GNAQ: variants seen among roughly 807,000 people sequenced by gnomAD.
GNAQ encodes guanine nucleotide-binding protein G(q) subunit alpha.
Under a neutral mutation model 43.9 loss-of-function variants are expected in GNAQ, and 8 were observed. The observed-to-expected ratio is 0.18, with a 90% CI of 0.11 to 0.33. GNAQ has a LOEUF of 0.33. Ranked by LOEUF, GNAQ falls within the 10% of genes least tolerant of loss-of-function variation. The probability of loss-of-function intolerance (pLI) is 1.00; values close to 1 mark genes in which losing one functional copy is unlikely to be tolerated. For missense variants in GNAQ, 158 were observed against 450.8 expected (o/e 0.35, Z 5.88); for synonymous variants, 155 against 170.7 (o/e 0.91, Z 0.71).
intron 2 of GNAQ, among the ~76,000 whole-genome samples, chr9:77,857,511 AGGAAG>A (rs1462457757): frequency 7.1e-6 from 1 of 140,046 alleles, no homozygotes; most frequent in East Asian, 2.6e-4. Context: ...ACAGGAAAGA[AGGAAG>A]GGAAGAAGGA....
chr9:78,014,407 G>A lies in GNAQ; in HGVS notation c.136+16693C>T, dbSNP rs887274232. Among the ~76,000 whole-genome samples, 13 of 152,188 alleles carry A rather than the reference G, an allele frequency of 8.5e-5. No individual in the cohort carries two copies. The South Asian group carries it at 1.7e-3, about 19-fold the overall frequency. ...TGGCAGGCCTAGACGGGCAGATCAC[G>A]AGACCAGCCCGACCAACATGGTGAA... On this transcript the variant is annotated intron_variant, in intron 1 of 6. Coordinates refer to ENST00000286548, the MANE Select transcript of GNAQ (RefSeq NM_002072.5).
At chr9:77,982,035 C>T (rs1823374589) in intron 1 of GNAQ, among the ~76,000 whole-genome samples, 1 of 152,134 alleles carries the variant, frequency 6.6e-6, no homozygotes, top group African/African-American at 2.4e-5. Context: ...TAGGTTCCTA[C>T]CTGGAAGCTG....
In GNAQ at chr9:78,030,874, C is replaced by CGT. The variant is rs1055890381; in HGVS notation, c.136+224_136+225dup. 1.3e-4 allele frequency among the ~76,000 whole-genome samples: 19 copies of CGT among 146,428 alleles called. No homozygotes were observed. In the East Asian group the frequency reaches 1.9e-3, roughly 14 times the overall value. On this transcript the variant is annotated intron_variant, in intron 1 of 6. Transcript: ENST00000286548. ...CAGGGCAGCCCCGACCCCTGTGCTGCGTGTGTGTGTCGCTGTGTGTGTGTG... is the reference window on the plus strand; with the variant it reads ...CAGGGCAGCCCCGACCCCTGTGCTGCGTGTGTGTGTGTCGCTGTGTGTGTGTG...
At chr9:77,731,891 TC>T (rs1048528576) in intron 5 of GNAQ, among the ~76,000 whole-genome samples, 1 of 152,172 alleles carries the variant, frequency 6.6e-6, no homozygotes, top group African/African-American at 2.4e-5. Context: ...CTTCTTTTTT[TC>T]CCCCCAATTA....
At chr9:78,008,744 A>G (rs1823738144) in intron 1 of GNAQ, among the ~76,000 whole-genome samples, 1 of 152,092 alleles carries the variant, frequency 6.6e-6, no homozygotes, top group African/African-American at 2.4e-5. Flanking sequence ...TCAGCCTTTC[A>G]AGTAGCTGGG....
intron 1 of GNAQ, among the ~76,000 whole-genome samples, chr9:77,942,014 G>A (rs1829323223): frequency 6.6e-6 from 1 of 151,942 alleles, no homozygotes; most frequent in African/African-American, 2.4e-5. Context: ...GATTATCTCT[G>A]GGTGGTAGGA....
At chr9:77,878,535 G>A (rs1341950763) in intron 2 of GNAQ, among the ~76,000 whole-genome samples, 5 of 151,668 alleles carry the variant, frequency 3.3e-5, no homozygotes, top group African/African-American at 9.7e-5. Flanking sequence ...CACTTCCTGG[G>A]CCATAAAATG....
intron 5 of GNAQ, among the ~76,000 whole-genome samples, chr9:77,748,026 G>A (rs920782391): frequency 5.3e-5 from 8 of 152,188 alleles, no homozygotes; most frequent in Non-Finnish European, 1.0e-4. Context: ...ATAGAGAGGG[G>A]TGGTCAGGAG....
At chr9:77,762,490 C>T (rs1261920284) in intron 5 of GNAQ, among the ~76,000 whole-genome samples, 6 of 143,486 alleles carry the variant, frequency 4.2e-5, no homozygotes, top group Non-Finnish European at 7.6e-5. Flanking sequence ...GTCAGCCCCC[C>T]GCCTGGCCAG....
intron 2 of GNAQ, among the ~76,000 whole-genome samples, chr9:77,840,558 A>T (rs1160271663): frequency 6.6e-6 from 1 of 152,066 alleles, no homozygotes. Flanking sequence ...GCTGGTCTGG[A>T]ACTCCTGACC....
chr9:78,028,225 TAA>T (rs1224191881), intron 1 of GNAQ, among the ~76,000 whole-genome samples: 4 of 152,160 alleles, frequency 2.6e-5, no homozygotes, highest in African/African-American at 9.7e-5. Flanking sequence ...ATGAATAAGT[TAA>T]AAGACAACAA....
At chr9:77,928,543 C>T (rs1382246967) in intron 1 of GNAQ, among the ~76,000 whole-genome samples, 1 of 152,096 alleles carries the variant, frequency 6.6e-6, no homozygotes, top group East Asian at 1.9e-4. Context: ...TCATGTCAGT[C>T]CTGGACTTCT....
intron 2 of GNAQ, among the ~76,000 whole-genome samples, chr9:77,883,665 G>A (rs1287131442): frequency 2.0e-5 from 3 of 151,466 alleles, no homozygotes; most frequent in African/African-American, 7.3e-5. Context: ...CTCGCTTTTG[G>A]CATTCCCAGT....
At chr9:77,874,109 A>AAAAAACAAAAACAAAAAAAC (rs1554722281) in intron 2 of GNAQ, among the ~76,000 whole-genome samples, 1 of 148,090 alleles carries the variant, frequency 6.8e-6, no homozygotes, top group African/African-American at 2.5e-5. Flanking sequence ...CATCTCAAAA[A>AAAAAACAAAAACAAAAAAAC]AAAAAAACAA....
intron 2 of GNAQ, among the ~76,000 whole-genome samples, chr9:77,915,569 T>C (rs1236235883): frequency 6.6e-6 from 1 of 151,552 alleles, no homozygotes; most frequent in Non-Finnish European, 1.5e-5. Flanking sequence ...TATTTAACCC[T>C]TGAAATAATC....
At chr9:77,773,116 C>A (rs1826251980) in intron 5 of GNAQ, among the ~76,000 whole-genome samples, 1 of 152,164 alleles carries the variant, frequency 6.6e-6, no homozygotes, top group Non-Finnish European at 1.5e-5. Flanking sequence ...TAAACCTTTT[C>A]ATTCTCTTAT....
At chr9:77,721,692 G>A (rs1395006962) in intron 6 of GNAQ, among the ~76,000 whole-genome samples, 179 bp from the exon 7 acceptor site, 1 of 151,890 alleles carries the variant, frequency 6.6e-6, no homozygotes, top group Non-Finnish European at 1.5e-5. Context: ...CACCCACCCA[G>A]GCACCCACCC....
chr9:77,869,866 C>T (rs1828007975), intron 2 of GNAQ, among the ~76,000 whole-genome samples: 1 of 152,126 alleles, frequency 6.6e-6, no homozygotes, highest in Admixed American at 6.6e-5. Context: ...AGCCATGCAG[C>T]TACACTGAAC....
chr9:77,766,677 T>C (rs1204882495), intron 5 of GNAQ, among the ~76,000 whole-genome samples: 1 of 152,048 alleles, frequency 6.6e-6, no homozygotes, highest in African/African-American at 2.4e-5. Context: ...CAGACAATAG[T>C]GTTCAGATGC....
Sources: allele counts gnomAD v4.1 joint callset (sites outside exome capture counted in the v4.1 genomes callset), GRCh38; gene constraint gnomAD v4.1.1; transcripts MANE v1.5; gene names NCBI Gene and HGNC (gene_info 2026-07-23, HGNC 2026-07-21).